The following LRBA variants were observed in gnomAD, a reference collection of about 807,000 sequenced individuals.
LRBA encodes the protein LPS responsive beige-like anchor protein.
LRBA carries 176 observed loss-of-function variants against 330.0 expected under a neutral mutation model. The ratio of observed to expected loss-of-function variants is 0.53; its 90% confidence interval spans 0.47 to 0.60. The LOEUF (loss-of-function observed/expected upper bound fraction) is 0.60, where lower values mean the gene tolerates loss of function less well. Ranked by LOEUF, LRBA falls within the 20% of genes least tolerant of loss-of-function variation. LRBA has a pLI of 0.00. For synonymous variants in LRBA, 1,230 were observed against 1,193.0 expected (o/e 1.03, Z -0.64); for missense variants, 3,259 against 3,444.8 (o/e 0.95, Z 1.35).
At chr4:150,349,890 T>A in intron 48 of LRBA, 102 bp downstream of exon 48, 2 of 1,019,424 alleles carry the variant, frequency 2.0e-6, no homozygotes, top group Non-Finnish European at 2.9e-6. Context: ...CTAGTTTCAC[T>A]TTCTTCATCA....
At chr4:150,363,477 T>G (rs1739010319) in intron 47 of LRBA, among the ~76,000 whole-genome samples, 1 of 152,264 alleles carries the variant, frequency 6.6e-6, no homozygotes, top group African/African-American at 2.4e-5. Context: ...GTATATTTAT[T>G]ATATTACATG....
At chr4:150,667,068 G>A (rs138526314) in intron 37 of LRBA, among the ~76,000 whole-genome samples, 230 of 152,208 alleles carry the variant, frequency 1.5e-3, no homozygotes, top group Non-Finnish European at 2.4e-3. Context: ...TCAAACCCAT[G>A]TCTGCTTTAC....
At chr4:150,402,833 A>C (rs938193918) in intron 47 of LRBA, among the ~76,000 whole-genome samples, 2 of 152,062 alleles carry the variant, frequency 1.3e-5, no homozygotes, top group Non-Finnish European at 1.5e-5. Context: ...TTATCATTAA[A>C]AATATAGAAA....
Position 150,583,254 on chromosome 4 carries a change from G to A in LRBA, c.6330+4794C>T, listed in dbSNP as rs1271296952. On this transcript the variant is annotated intron_variant, in intron 40 of 56. Coordinates refer to ENST00000651943, the MANE Select transcript of LRBA (RefSeq NM_001364905.1). The surrounding 1 kb of genome is among the most constrained non-coding windows in gnomAD (Gnocchi z 9.8). ...AGGTCATTTCGCCCACCGAATTTGA[G>A]GTGGTGCTCTACCTAAACCAGATGG... The A allele has an allele frequency of 1.2e-6, 2 of 1,614,248 alleles. No homozygotes were observed. Among genetic ancestry groups the A allele is most frequent in the Non-Finnish European group, 8.5e-7 (1 of 1,180,044 alleles).
At chr4:150,639,124 A>T (rs1778229373) in intron 37 of LRBA, among the ~76,000 whole-genome samples, 1 of 146,694 alleles carries the variant, frequency 6.8e-6, no homozygotes, top group Non-Finnish European at 1.5e-5. Flanking sequence ...AACACTGCAT[A>T]TTCTCACTCA....
chr4:150,735,254 C>T lies in LRBA; in HGVS notation c.5754+4G>A, dbSNP rs751363369. 1.4e-5 allele frequency: 22 copies of T among 1,606,874 alleles called. No individual in the cohort carries two copies. The Admixed American group carries it at 1.5e-4, about 11-fold the overall frequency. ...TCCGCACACCAACCATATGTGTAAC[C>T]TACCTCAAATTCCGCATGTCTGTGA... On this transcript the variant is annotated splice_donor_region_variant and intron_variant, in intron 36 of 56. Transcript: ENST00000651943.
At chr4:150,523,989 T>C (rs959245220) in intron 40 of LRBA, among the ~76,000 whole-genome samples, 6 of 152,232 alleles carry the variant, frequency 3.9e-5, no homozygotes, top group African/African-American at 1.4e-4. Context: ...GACTAACAAT[T>C]ATTTTATCTA....
intron 48 of LRBA, among the ~76,000 whole-genome samples, chr4:150,330,086 A>G (rs1733793521): frequency 6.6e-6 from 1 of 152,180 alleles, no homozygotes; most frequent in Non-Finnish European, 1.5e-5. Context: ...ATTAAAAGAT[A>G]AAAGCTAATG....
intron 12 of LRBA, 44 bp downstream of exon 12, chr4:150,906,253 C>A: frequency 1.7e-6 from 2 of 1,209,748 alleles, no homozygotes; most frequent in Non-Finnish European, 2.4e-6. Context: ...AAATGTATGG[C>A]CTGTAAATTA....
rs1561527692 is a variant in LRBA, at chr4:150,697,349, A to AAAAC, written c.5755-13633_5755-13632insGTTT. On this transcript the variant is annotated intron_variant, in intron 36 of 56. Transcript: ENST00000651943. ...AGAAAAAAAAAAAAAAAAAAAAAAA[A>AAAAC]AACAGGGAGAGTTTCACAGAGGAAT... Among the ~76,000 whole-genome samples the AAAAC allele has an allele frequency of 2.9e-3, 426 of 148,400 alleles. 4 individuals are homozygous for AAAAC. The highest frequency in any genetic ancestry group is 0.01 in the African/African-American group (407 of 39,766).
chr4:150,570,302 T>C (rs1769679486), intron 40 of LRBA, among the ~76,000 whole-genome samples: 1 of 152,140 alleles, frequency 6.6e-6, no homozygotes, highest in African/African-American at 2.4e-5. Context: ...TCTCACTATT[T>C]TCGTGTGTAA....
chr4:150,906,343 A>G lies in LRBA; in HGVS notation c.1556T>C (p.Met519Thr). 6.2e-7 allele frequency: 1 copy of G among 1,612,716 alleles called. No homozygotes were observed. Among genetic ancestry groups the G allele is most frequent in the Non-Finnish European group, 8.5e-7 (1 of 1,178,874 alleles). ...TACCAAGAAGCCCTTACAGGCAAGC[A>G]TCTGTTCCTGCATAGCAATTGAGTT... ...LKNSIAMQEQ[M>T]LACKGFLVIG... Residue 519 changes from methionine to threonine, a missense_variant, in exon 12 of 57, where the codon ATG becomes ACG. Met to Thr is a moderately conservative substitution (Grantham distance 81). Transcript: ENST00000651943.
chr4:150,502,188 A>C (rs1760373500), intron 40 of LRBA, among the ~76,000 whole-genome samples: 1 of 152,220 alleles, frequency 6.6e-6, no homozygotes, highest in South Asian at 2.1e-4. Flanking sequence ...AATGAACAGT[A>C]CTCAGAGCTC....
At chr4:150,759,613 T>A (rs1420217519) in intron 35 of LRBA, among the ~76,000 whole-genome samples, 4 of 152,170 alleles carry the variant, frequency 2.6e-5, no homozygotes, top group Admixed American at 2.6e-4. Context: ...TTCATTCCCC[T>A]CATCTGCTCC....
At position 150,588,056 on chromosome 4, in the gene LRBA, C is replaced by G. The variant is rs142598024; in HGVS notation, c.6322G>C (p.Asp2108His). 383 of 1,611,544 alleles carry G rather than the reference C, an allele frequency of 2.4e-4. 1 individual carries two copies. The highest frequency in any genetic ancestry group is 3.2e-4 in the Non-Finnish European group (377 of 1,178,980). The change falls in exon 40 of 57, where the codon GAC (aspartate) becomes CAC (histidine). Residue 2108 changes from aspartate (D) to histidine (H), a missense_variant. Coordinates refer to ENST00000651943, the MANE Select transcript of LRBA (RefSeq NM_001364905.1). The stretch of plus-strand genomic sequence containing the variant: ...CCCCTTCATCTTCTCACCTTGGGGT[C>G]GATTTTTTTGAAGTTAGGATCCTCT... ...DEEDPNFKKI[D>H]PKILAYTEGL...
In LRBA at chr4:150,286,041, G is replaced by GA. The variant is rs773155703; in HGVS notation, c.8018-8dup. 12 of 1,525,962 alleles carry GA rather than the reference G, an allele frequency of 7.9e-6. No individual in the cohort carries two copies. The African/African-American group carries it at 1.4e-4, about 18-fold the overall frequency. The allele number at this position is 1,525,962 out of a possible 1,614,324, so 94.5% of individuals were successfully genotyped here. The stretch of plus-strand genomic sequence containing the variant: ...CGAGGAGCAGCAGTCTCACCTTTAG[G>GA]AAAAAACAGATAAAAAGAACAAATC... On this transcript the variant is annotated splice_polypyrimidine_tract_variant and splice_region_variant and intron_variant, in intron 53 of 56. Coordinates refer to ENST00000651943, the MANE Select transcript of LRBA (RefSeq NM_001364905.1).
At chr4:150,508,155 A>G (rs1761354315) in intron 40 of LRBA, among the ~76,000 whole-genome samples, 1 of 144,516 alleles carries the variant, frequency 6.9e-6, no homozygotes. Context: ...ACAGCACACC[A>G]ACATGGCACA....
intron 36 of LRBA, among the ~76,000 whole-genome samples, chr4:150,728,380 A>C (rs1283816218): frequency 2.0e-5 from 3 of 152,110 alleles, no homozygotes; most frequent in African/African-American, 7.2e-5. Flanking sequence ...ACCAAAATCA[A>C]AGACATATTA....
chr4:150,832,998 A>T (rs895872465), intron 28 of LRBA, among the ~76,000 whole-genome samples: 1 of 152,042 alleles, frequency 6.6e-6, no homozygotes, highest in Non-Finnish European at 1.5e-5. Flanking sequence ...CTGGTCTCGA[A>T]CTCTTGGCCT....
Sources: allele counts gnomAD v4.1 joint callset (sites outside exome capture counted in the v4.1 genomes callset), GRCh38; gene constraint gnomAD v4.1.1; non-coding constraint Gnocchi (gnomAD v3.1); transcripts MANE v1.5; gene names NCBI Gene and HGNC (gene_info 2026-07-23, HGNC 2026-07-21).